Variants in MCM9 observed in about 807,000 individuals in gnomAD.
MCM9 encodes minichromosome maintenance 9 homologous recombination repair factor, also known as DNA helicase MCM9.
A neutral mutation model predicts 72.8 loss-of-function variants in MCM9; 55 were observed. That is an observed-to-expected ratio of 0.76 (90% CI 0.61 to 0.95). The LOEUF (loss-of-function observed/expected upper bound fraction) is 0.95. Among genes scored for constraint, MCM9 ranks in the 40% least tolerant of loss-of-function variants. The probability of loss-of-function intolerance (pLI) is 0.00; values close to 1 mark genes in which losing one functional copy is unlikely to be tolerated. For synonymous variants in MCM9, 480 were observed against 503.4 expected (o/e 0.95, Z 0.62); for missense variants, 1,279 against 1,377.0 (o/e 0.93, Z 1.13).
At chr6:118,927,497 C>A (rs1337479075) in intron 3 of MCM9, among the ~76,000 whole-genome samples, 2 of 151,566 alleles carry the variant, frequency 1.3e-5, no homozygotes, top group African/African-American at 4.8e-5. Flanking sequence ...CCCAGCTACT[C>A]GGGAGGGTGA....
intron 9 of MCM9, among the ~76,000 whole-genome samples, chr6:118,832,534 T>A (rs1774635435): frequency 6.6e-6 from 1 of 152,262 alleles, no homozygotes; most frequent in Non-Finnish European, 1.5e-5. Context: ...TATTTTACAT[T>A]TACAGGCTTT....
At position 118,821,872 on chromosome 6, in the gene MCM9, T is replaced by G. The variant is rs141297544; in HGVS notation, c.1961+4275A>C. 1.8e-3 allele frequency among the ~76,000 whole-genome samples: 275 copies of G among 152,326 alleles called. 1 individual carries two copies. Among genetic ancestry groups the G allele is most frequent in the South Asian group, 0.01 (50 of 4,822 alleles). On this transcript the variant is annotated intron_variant, in intron 13 of 13. Coordinates refer to ENST00000619706, the MANE Select transcript of MCM9 (RefSeq NM_017696.3). The stretch of plus-strand genomic sequence containing the variant: ...CATCTTCATGCCTTATTTCAGTAAG[T>G]TGATCTTCAATCTCTGATATCCTTT...
chr6:118,856,588 C>T, intron 8 of MCM9, 43 bp from the exon 9 acceptor site: 1 of 1,530,578 alleles, frequency 6.5e-7, no homozygotes, highest in Non-Finnish European at 8.7e-7. Flanking sequence ...TTTTCAAAAG[C>T]ATTATCTTGA....
intron 8 of MCM9, among the ~76,000 whole-genome samples, chr6:118,861,941 T>C (rs1023441174): frequency 2.6e-5 from 4 of 152,156 alleles, no homozygotes; most frequent in Admixed American, 6.5e-5. Context: ...CTGTTCAGGA[T>C]GAGGGAGGCC....
At position 118,814,740 on chromosome 6, in the gene MCM9, T is replaced by C. The variant is rs1330343214; in HGVS notation, c.*84A>G. The C allele has an allele frequency of 4.6e-6, 6 of 1,305,342 alleles. No individual in the cohort carries two copies. In the African/African-American group the frequency reaches 9.0e-5, roughly 20 times the overall value. 80.9% of individuals were successfully genotyped at this position (1,305,342 alleles called of 1,614,324 possible). A position where few individuals can be genotyped will look rare whatever the true frequency, so the allele number is the denominator to read the frequency against. The stretch of plus-strand genomic sequence containing the variant: ...ATCCTCAATATGGCCAATTGTTCTA[T>C]ACATTTATAAATACCATATTGATAT... On this transcript the variant is annotated 3_prime_UTR_variant, in exon 14 of 14. Transcript: ENST00000619706.
intron 9 of MCM9, among the ~76,000 whole-genome samples, chr6:118,843,617 T>G (rs924698600): frequency 4.3e-5 from 6 of 139,096 alleles, no homozygotes; most frequent in African/African-American, 8.3e-5. Context: ...AAATTCTGTC[T>G]CAAAAAAACA....
Position 118,853,723 on chromosome 6 carries a change from C to A in MCM9, c.1325+2648G>T, listed in dbSNP as rs547583543. ...CAGGGGTGGGTGAATGGCTTGAGCC[C>A]AGGAGTTCAAGGCTGCAGTGAGCTA... On this transcript the variant is annotated intron_variant, in intron 9 of 13. Coordinates refer to ENST00000619706, the MANE Select transcript of MCM9 (RefSeq NM_017696.3). Among the ~76,000 whole-genome samples, 644 of 152,268 alleles carry A rather than the reference C, an allele frequency of 4.2e-3. 2 individuals carry two copies. The highest frequency in any genetic ancestry group is 7.6e-3 in the Non-Finnish European group (515 of 68,010).
At chr6:118,887,874 A>G (rs1481127542) in intron 8 of MCM9, among the ~76,000 whole-genome samples, 2 of 152,126 alleles carry the variant, frequency 1.3e-5, no homozygotes, top group Non-Finnish European at 2.9e-5. Context: ...TGAGGTGGGA[A>G]GATCACTTGA....
chr6:118,875,894 G>A (rs1300604778), intron 8 of MCM9, among the ~76,000 whole-genome samples: 1 of 152,070 alleles, frequency 6.6e-6, no homozygotes, highest in Non-Finnish European at 1.5e-5. Context: ...TTTACATAAG[G>A]CACTGGAAAG....
At chr6:118,877,642 T>C (rs909651285) in intron 8 of MCM9, among the ~76,000 whole-genome samples, 1 of 152,172 alleles carries the variant, frequency 6.6e-6, no homozygotes, top group Middle Eastern at 3.2e-3. Context: ...TGGCAATATC[T>C]ACAAAAGTTT....
intron 8 of MCM9, chr6:118,894,205 G>A: frequency 1.4e-6 from 2 of 1,395,960 alleles, no homozygotes; most frequent in Non-Finnish European, 1.9e-6. Context: ...AGAGCAGAAT[G>A]GGCTGTAGTT....
chr6:118,927,397 A>T (rs1016645501), intron 3 of MCM9, among the ~76,000 whole-genome samples: 28 of 152,092 alleles, frequency 1.8e-4, no homozygotes, highest in Admixed American at 6.5e-4. Context: ...TGAGGTTGGG[A>T]GTTTGAGACC....
intron 9 of MCM9, among the ~76,000 whole-genome samples, chr6:118,834,219 C>A (rs1037945309): frequency 1.3e-5 from 2 of 152,170 alleles, no homozygotes; most frequent in African/African-American, 4.8e-5. Context: ...CATAGTATTC[C>A]GTGGTATATA....
chr6:118,917,965 G>GA, intron 5 of MCM9: 1 of 560,082 alleles, frequency 1.8e-6, no homozygotes, highest in South Asian at 2.4e-5. Flanking sequence ...TCTGTAAAGT[G>GA]AAAAGCTGAA....
intron 8 of MCM9, among the ~76,000 whole-genome samples, chr6:118,889,291 T>A (rs1238765849): frequency 6.6e-6 from 1 of 152,200 alleles, no homozygotes; most frequent in Non-Finnish European, 1.5e-5. Context: ...TAAATGACCA[T>A]GCATATGAGG....
intron 9 of MCM9, 94 bp from the exon 10 acceptor site, chr6:118,829,344 G>GA: frequency 8.9e-7 from 1 of 1,129,360 alleles, no homozygotes; most frequent in Non-Finnish European, 1.2e-6. Context: ...CTTGCACCTT[G>GA]AAAATCTACG....
At chr6:118,869,252 G>T (rs1212854364) in intron 8 of MCM9, among the ~76,000 whole-genome samples, 3 of 152,090 alleles carry the variant, frequency 2.0e-5, no homozygotes, top group Non-Finnish European at 4.4e-5. Context: ...ACACACCTGG[G>T]CCTATCTGGG....
intron 8 of MCM9, among the ~76,000 whole-genome samples, chr6:118,898,242 T>C (rs969320352): frequency 2.0e-5 from 3 of 152,150 alleles, no homozygotes; most frequent in Non-Finnish European, 4.4e-5. Context: ...GTTTAAACAA[T>C]AGGTATGAAG....
In MCM9 at chr6:118,849,431, TTGTG is replaced by T. The variant is rs370265605; in HGVS notation, c.1325+6936_1325+6939del. ...AATAACATCATTTATAAGGTACAGT[TTGTG>T]TGTGTGTGTGTGTGTGTGTATAATA... On this transcript the variant is annotated intron_variant, in intron 9 of 13. Transcript: ENST00000619706. Among the ~76,000 whole-genome samples the T allele has an allele frequency of 6.8e-4, 102 of 148,934 alleles. 1 individual carries two copies. Among genetic ancestry groups the T allele is most frequent in the Admixed American group, 1.6e-3 (24 of 14,930 alleles).
Sources: allele counts gnomAD v4.1 joint callset (sites outside exome capture counted in the v4.1 genomes callset), GRCh38; gene constraint gnomAD v4.1.1; transcripts MANE v1.5; gene names NCBI Gene and HGNC (gene_info 2026-07-23, HGNC 2026-07-21).